The following CSMD1 variants were observed in gnomAD, a reference collection of about 807,000 sequenced individuals.
CSMD1 encodes the protein CUB and sushi domain-containing protein 1.
A neutral mutation model predicts 417.5 loss-of-function variants in CSMD1; 213 were observed. That is an observed-to-expected ratio of 0.51 (90% CI 0.46 to 0.57). CSMD1 has a LOEUF of 0.57. Ranked by LOEUF, CSMD1 falls within the 20% of genes least tolerant of loss-of-function variation. The pLI is 0.00. For synonymous variants in CSMD1, 2,862 were observed against 1,736.8 expected (o/e 1.65, Z -16.11); for missense variants, 6,923 against 4,529.7 (o/e 1.53, Z -15.17).
chr8:4,668,760 C>T (rs1255741607), intron 1 of CSMD1, among the ~76,000 whole-genome samples: 2 of 152,126 alleles, frequency 1.3e-5, no homozygotes, highest in East Asian at 3.9e-4. Flanking sequence ...GATAGTTTTC[C>T]ATTTCCAGTG....
At chr8:3,945,866 C>T (rs1268955314) in intron 5 of CSMD1, among the ~76,000 whole-genome samples, 2 of 151,978 alleles carry the variant, frequency 1.3e-5, no homozygotes, top group Non-Finnish European at 2.9e-5. Context: ...ATCATTATTC[C>T]AGAAATGCTG....
At chr8:4,374,026 C>T (rs1802559940) in intron 3 of CSMD1, among the ~76,000 whole-genome samples, 1 of 152,088 alleles carries the variant, frequency 6.6e-6, no homozygotes, top group Non-Finnish European at 1.5e-5. Flanking sequence ...ACAGAATTCT[C>T]AGTAAAAATA....
intron 4 of CSMD1, among the ~76,000 whole-genome samples, chr8:4,024,173 T>G (rs1295189770): frequency 6.6e-6 from 1 of 152,138 alleles, no homozygotes. Context: ...GTTGTATTAT[T>G]CCAGTTCATA....
At chr8:3,444,490 C>G (rs1028008561) in intron 12 of CSMD1, among the ~76,000 whole-genome samples, 2 of 152,164 alleles carry the variant, frequency 1.3e-5, no homozygotes, top group African/African-American at 4.8e-5. Flanking sequence ...AGAACTTTTG[C>G]TACCATCTTC....
In CSMD1 at chr8:4,446,785, G is replaced by C. The variant is rs944437271; in HGVS notation, c.303-26720C>G. On this transcript the variant is annotated intron_variant, in intron 2 of 69. Coordinates refer to ENST00000635120, the MANE Select transcript of CSMD1 (RefSeq NM_033225.6). ...TGTGTGTGTGTGTGTGTGTGTGTGT[G>C]TGTGTGTGTGTATTTTTAGTAGAGC... Among the ~76,000 whole-genome samples, 95 of 128,776 alleles carry C rather than the reference G, an allele frequency of 7.4e-4. 2 individuals are homozygous for C. The East Asian group carries it at 0.018, about 24-fold the overall frequency. The allele number at this position is 128,776 out of a possible 152,430, so 84.5% of individuals were successfully genotyped here.
chr8:4,620,845 G>A (rs1170646816), intron 2 of CSMD1, among the ~76,000 whole-genome samples: 1 of 151,418 alleles, frequency 6.6e-6, no homozygotes. Context: ...TAAGAAAAAG[G>A]AGACTAAACC....
chr8:4,272,866 G>A (rs919303771), intron 3 of CSMD1, among the ~76,000 whole-genome samples: 7 of 152,178 alleles, frequency 4.6e-5, no homozygotes, highest in East Asian at 3.9e-4. Flanking sequence ...CAGATAAAAC[G>A]ATAGATAAAA....
intron 41 of CSMD1, among the ~76,000 whole-genome samples, chr8:3,122,593 A>T (rs1184993840): frequency 6.6e-6 from 1 of 152,126 alleles, no homozygotes; most frequent in Non-Finnish European, 1.5e-5. Flanking sequence ...ATTGCATCAG[A>T]GGGTCCAATC....
chr8:3,766,279 A>G (rs892518343), intron 5 of CSMD1, among the ~76,000 whole-genome samples: 2 of 152,180 alleles, frequency 1.3e-5, no homozygotes, highest in Non-Finnish European at 2.9e-5. Flanking sequence ...AGGCCTTTCA[A>G]TGTGGGAGGA....
At position 2,963,292 on chromosome 8, in the gene CSMD1, C is replaced by T; in HGVS notation, c.9384G>A (p.Gln3128=). ...AGGAGAGGATGGCGGAGTGAGAGAG[C>T]TGGTAACCGTCCATGCAGCTGTAAC... The part of the protein sequence containing the change: ...SISYSCMDGY[Q]LSHSAILSCE... The change falls in exon 60 of 70, where the codon CAG becomes CAA. Residue 3128 remains glutamine (Q), a synonymous_variant. Transcript: ENST00000635120. 1 of 1,613,966 alleles carries T rather than the reference C, an allele frequency of 6.2e-7. No homozygotes were observed. Among genetic ancestry groups the T allele is most frequent in the Non-Finnish European group, 8.5e-7 (1 of 1,179,874 alleles).
chr8:3,562,005 G>A (rs1246903399), intron 10 of CSMD1, among the ~76,000 whole-genome samples: 2 of 152,096 alleles, frequency 1.3e-5, no homozygotes, highest in African/African-American at 4.8e-5. Context: ...GAAACTTTGT[G>A]AAGGAGGAGT....
intron 12 of CSMD1, among the ~76,000 whole-genome samples, chr8:3,467,816 G>C (rs1816867620): frequency 6.6e-6 from 1 of 152,066 alleles, no homozygotes; most frequent in Non-Finnish European, 1.5e-5. Flanking sequence ...CTCCTTCATT[G>C]ATTTCATGGG....
intron 1 of CSMD1, among the ~76,000 whole-genome samples, chr8:4,775,696 G>A (rs565494210): frequency 6.6e-6 from 1 of 152,162 alleles, no homozygotes; most frequent in Non-Finnish European, 1.5e-5. Flanking sequence ...GACCAAGGCA[G>A]CGTCTGTCAT....
At chr8:3,542,436 G>A (rs11996519) in intron 10 of CSMD1, among the ~76,000 whole-genome samples, 2,850 of 152,280 alleles carry the variant, frequency 0.019, 93 homozygotes, top group African/African-American at 0.065. Context: ...TTGGATGTGC[G>A]TTAGGGAATG....
At chr8:4,312,450 C>CGT (rs373654209) in intron 3 of CSMD1, among the ~76,000 whole-genome samples, 2,445 of 123,418 alleles carry the variant, frequency 0.02, 560 homozygotes, top group African/African-American at 0.1. Flanking sequence ...TATATATATA[C>CGT]GTATATATAT....
At chr8:4,025,139 T>C (rs1028368627) in intron 4 of CSMD1, among the ~76,000 whole-genome samples, 8 of 152,230 alleles carry the variant, frequency 5.3e-5, no homozygotes, top group African/African-American at 1.9e-4. Context: ...GTTGAGACTG[T>C]AATTTTCCAT....
At position 3,450,884 on chromosome 8, in the gene CSMD1, C is replaced by T. The variant is rs367970039; in HGVS notation, c.1561+17828G>A. ...TTCTAGTTCTAGATCCCTGAGGAAT[C>T]GCCACACTGACTTCCACAATGGTTG... On this transcript the variant is annotated intron_variant, in intron 12 of 69. Transcript: ENST00000635120. 2.0e-4 allele frequency among the ~76,000 whole-genome samples: 30 copies of T among 151,882 alleles called. No homozygotes were observed. In the East Asian group the frequency reaches 2.3e-3, roughly 12 times the overall value.
At chr8:4,369,171 C>G (rs1026289072) in intron 3 of CSMD1, among the ~76,000 whole-genome samples, 1 of 152,054 alleles carries the variant, frequency 6.6e-6, no homozygotes, top group Non-Finnish European at 1.5e-5. Context: ...GTTTCAAAAA[C>G]TTTTTTTGAT....
At chr8:3,160,500 G>T (rs958527955) in intron 38 of CSMD1, among the ~76,000 whole-genome samples, 2 of 152,194 alleles carry the variant, frequency 1.3e-5, no homozygotes, top group African/African-American at 4.8e-5. Flanking sequence ...GCTTGAGTGT[G>T]TTTGGTTACA....
Sources: gnomAD v4.1 joint callset for allele counts (sites outside exome capture counted in the v4.1 genomes callset) on GRCh38, gnomAD v4.1.1 for gene constraint, MANE v1.5 for transcripts, NCBI Gene and HGNC (gene_info 2026-07-23, HGNC 2026-07-21) for gene names.